Variants in ABCF1 observed in about 807,000 individuals in gnomAD.
ABCF1 encodes ATP binding cassette subfamily F member 1.
Under a neutral mutation model 126.3 loss-of-function variants are expected in ABCF1, and 73 were observed. The ratio of observed to expected loss-of-function variants is 0.58; its 90% CI spans 0.48 to 0.70. ABCF1 has a LOEUF of 0.70. Ranked by LOEUF, ABCF1 falls within the 30% of genes least tolerant of loss-of-function variation. The pLI, the probability that ABCF1 is intolerant of heterozygous loss-of-function variation, is 0.00. For missense variants in ABCF1, 786 were observed against 1,057.5 expected (o/e 0.74, Z 3.56); for synonymous variants, 345 against 396.4 (o/e 0.87, Z 1.54).
At chr6:30,577,483 A>C (rs1460140338) in intron 2 of ABCF1, 28 bp downstream of exon 2, 19 of 1,610,536 alleles carry the variant, frequency 1.2e-5, no homozygotes, top group Non-Finnish European at 1.6e-5. Context: ...GAGGATAAGA[A>C]ATGACTATGG....
At chr6:30,590,409 T>C (rs1209237733) in intron 24 of ABCF1, 31 bp downstream of exon 24, 2 of 1,591,360 alleles carry the variant, frequency 1.3e-6, no homozygotes, top group Admixed American at 1.7e-5. Flanking sequence ...CCCTCATCCC[T>C]GCTCCATGGG....
In ABCF1 at chr6:30,586,636, T is replaced by C; in HGVS notation, c.1961-5T>C. 6.2e-7 allele frequency: 1 copy of C among 1,613,586 alleles called. No individual in the cohort carries two copies. Among genetic ancestry groups the C allele is most frequent in the South Asian group, 1.1e-5 (1 of 91,074 alleles). On this transcript the variant is annotated splice_polypyrimidine_tract_variant and splice_region_variant and intron_variant, in intron 19 of 24. Transcript: ENST00000326195. The surrounding 1 kb of genome is among the most constrained non-coding windows in gnomAD (Gnocchi z 4.9). Reference sequence around the variant, plus strand: ...CTCTTTGACCACCTGTCTTCCATCTTGCAGTTTGCATTGTGGGCCCTAATG... The same window carrying C: ...CTCTTTGACCACCTGTCTTCCATCTCGCAGTTTGCATTGTGGGCCCTAATG...
At position 30,571,492 on chromosome 6, in the gene ABCF1, C is replaced by T. The variant is rs529428649; in HGVS notation, c.5C>T (p.Pro2Leu). The change falls in exon 1 of 25, where the codon CCG (proline) becomes CTG (leucine). Residue 2 changes from proline (P) to leucine (L), a missense_variant. Pro to Leu is a moderately conservative substitution (Grantham distance 98). Transcript: ENST00000326195. ...GTAGCTGTAACTGCCACCGCGATGC[C>T]GAAGGCGCCCAAGCAGCAGCCGCCG... is the stretch of plus-strand genomic sequence containing the variant. M[P>L]KAPKQQPPEP... The T allele has an allele frequency of 3.7e-6, 6 of 1,610,424 alleles. No homozygotes were observed. The African/African-American group carries it at 4.0e-5, about 11-fold the overall frequency.
In ABCF1 at chr6:30,584,311, G is replaced by C; in HGVS notation, c.1222G>C (p.Ala408Pro). 1 of 1,613,146 alleles carries C rather than the reference G, an allele frequency of 6.2e-7. No homozygotes were observed. Among genetic ancestry groups the C allele is most frequent in the Non-Finnish European group, 8.5e-7 (1 of 1,180,038 alleles). ...ACAGCTGGAACAAGGGGATGACACA[G>C]CTGCTGAGAGGCTAGAGAAGGTAGA... ...QGQLEQGDDT[A>P]AERLEKVYEE... Residue 408 changes from alanine (A) to proline (P), a missense_variant, in exon 13 of 25, where the codon GCT becomes CCT. Physicochemically the swap from Ala to Pro is conservative, Grantham distance 27. This residue lies in a region of ABCF1 where 163 missense variants were observed against 255.3 expected (regional missense o/e 0.64). Coordinates refer to ENST00000326195, the MANE Select transcript of ABCF1 (RefSeq NM_001025091.2). This position sits in a 1 kb window ranked among gnomAD's most constrained non-coding sequence, Gnocchi z 4.6.
chr6:30,591,162 G>A lies in ABCF1; in HGVS notation c.*461G>A, dbSNP rs1039301883. 3 of 157,952 alleles carry A rather than the reference G, an allele frequency of 1.9e-5. No homozygotes were observed. Among genetic ancestry groups the A allele is most frequent in the Non-Finnish European group, 4.2e-5 (3 of 72,170 alleles). 9.8% of individuals were successfully genotyped at this position (157,952 alleles called of 1,614,324 possible). ...CAGCTGTTGAAGCTCAGAGCTGGAG[G>A]TGAGCTTCTGAGGCCTTTGCCATTA... is the stretch of plus-strand genomic sequence containing the variant. On this transcript the variant is annotated 3_prime_UTR_variant, in exon 25 of 25. Coordinates refer to ENST00000326195, the MANE Select transcript of ABCF1 (RefSeq NM_001025091.2).
chr6:30,577,277 A>C (rs950032005), intron 1 of ABCF1, 132 bp from the exon 2 acceptor site: 6 of 791,678 alleles, frequency 7.6e-6, no homozygotes, highest in African/African-American at 3.5e-5. Flanking sequence ...AGACAGTACA[A>C]ATATTTAAGG....
Position 30,590,912 on chromosome 6 carries a change from A to C in ABCF1, c.*211A>C. Reference sequence around the variant, plus strand: ...ACTTGTTTGTTCTGCTTCTCTTCATATAACTGAGCTGGCCTTATCCTTGGC... The same window carrying C: ...ACTTGTTTGTTCTGCTTCTCTTCATCTAACTGAGCTGGCCTTATCCTTGGC... On this transcript the variant is annotated 3_prime_UTR_variant, in exon 25 of 25. Transcript: ENST00000326195. 3.7e-6 allele frequency: 2 copies of C among 533,350 alleles called. No homozygotes were observed. The highest frequency in any genetic ancestry group is 6.4e-6 in the Non-Finnish European group (2 of 311,368). 33.0% of individuals were successfully genotyped at this position (533,350 alleles called of 1,614,324 possible). A position where few individuals can be genotyped will look rare whatever the true frequency, so the allele number is the denominator to read the frequency against.
chr6:30,578,429 T>G, intron 5 of ABCF1, 41 bp from the exon 6 acceptor site: 1 of 1,614,056 alleles, frequency 6.2e-7, no homozygotes, highest in South Asian at 1.1e-5. Context: ...GGATGCAACC[T>G]TGACCATCCT....
Position 30,571,513 on chromosome 6 carries a change from C to T in ABCF1, c.26C>T (p.Pro9Leu), listed in dbSNP as rs767397757. 3.1e-6 allele frequency: 5 copies of T among 1,611,044 alleles called. No individual in the cohort carries two copies. The highest frequency in any genetic ancestry group is 4.2e-6 in the Non-Finnish European group (5 of 1,179,554). Residue 9 changes from proline to leucine, a missense_variant, in exon 1 of 25, where the codon CCG becomes CTG. By Grantham distance (98) the Pro-to-Leu change is moderately conservative. Coordinates refer to ENST00000326195, the MANE Select transcript of ABCF1 (RefSeq NM_001025091.2). The part of the protein sequence containing the change: MPKAPKQQ[P>L]PEPEWIGDGE... ...ATGCCGAAGGCGCCCAAGCAGCAGCCGCCGGAGCCCGAGTGGATCGGGGAC... is the reference window on the plus strand; with the variant it reads ...ATGCCGAAGGCGCCCAAGCAGCAGCTGCCGGAGCCCGAGTGGATCGGGGAC...
chr6:30,576,141 CTCCCAAA>C (rs1257363939), intron 1 of ABCF1, among the ~76,000 whole-genome samples: 5 of 150,038 alleles, frequency 3.3e-5, no homozygotes, highest in Admixed American at 2.0e-4. Flanking sequence ...CTACACATAT[CTCCCAAA>C]TTGAATTTAT....
In ABCF1 at chr6:30,582,259, T is replaced by A. The variant is rs574734792; in HGVS notation, c.679-135T>A. The stretch of plus-strand genomic sequence containing the variant: ...TTTTAGTAGAGATGGGGTTTCACCA[T>A]GTTAGCCAGGATGGTCTTGATCTCC... On this transcript the variant is annotated intron_variant, in intron 8 of 24. Transcript: ENST00000326195. 5 of 599,770 alleles carry A rather than the reference T, an allele frequency of 8.3e-6. No individual in the cohort carries two copies. In the African/African-American group the frequency reaches 9.4e-5, roughly 11 times the overall value. The allele number at this position is 599,770 out of a possible 1,614,324, so 37.2% of individuals were successfully genotyped here.
chr6:30,585,546 T>C lies in ABCF1; in HGVS notation c.1476-12T>C, dbSNP rs779685309. 4.3e-6 allele frequency: 7 copies of C among 1,612,958 alleles called. No homozygotes were observed. In the Admixed American group the frequency reaches 1.2e-4, roughly 27 times the overall value. On this transcript the variant is annotated splice_polypyrimidine_tract_variant and intron_variant, in intron 15 of 24. Transcript: ENST00000326195. The stretch of plus-strand genomic sequence containing the variant: ...CCACTGTGACACTTACACCCTGTTC[T>C]CTGAAACCCAGCTACCTCCAGGGCT...
At chr6:30,580,271 C>T (rs866445494) in intron 7 of ABCF1, 135 bp from the exon 8 acceptor site, 7 of 731,614 alleles carry the variant, frequency 9.6e-6, no homozygotes, top group Middle Eastern at 3.9e-4. Flanking sequence ...GGCGTGAACC[C>T]GGGAGGTGGA....
Position 30,586,274 on chromosome 6 carries a change from A to T in ABCF1, c.1854A>T (p.Pro618=). Residue 618 remains proline (P), a synonymous_variant, in exon 18 of 25, where the codon CCA becomes CCT. Transcript: ENST00000326195. The surrounding 1 kb of genome is among the most constrained non-coding windows in gnomAD (Gnocchi z 4.9). ...TGCGCTTCACTTTTCCAGACCCCCC[A>T]CCACTCAGCCCTCCAGTGCTGGGTC... is the stretch of plus-strand genomic sequence containing the variant. ...YTVRFTFPDP[P]PLSPPVLGLH... 4 of 1,611,312 alleles carry T rather than the reference A, an allele frequency of 2.5e-6. No individual in the cohort carries two copies. The highest frequency in any genetic ancestry group is 2.5e-6 in the Non-Finnish European group (3 of 1,178,740).
Position 30,582,514 on chromosome 6 carries a change from C to A in ABCF1, c.792+7C>A. ...GAAAAAGCTGAAAAAACAGGTAAGACCTTGGTTCTTAGCGGTCAAAAGTAG... is the reference window on the plus strand; with the variant it reads ...GAAAAAGCTGAAAAAACAGGTAAGAACTTGGTTCTTAGCGGTCAAAAGTAG... On this transcript the variant is annotated splice_region_variant and intron_variant, in intron 9 of 24. Transcript: ENST00000326195. The A allele has an allele frequency of 6.2e-7, 1 of 1,612,688 alleles. No homozygotes were observed. The highest frequency in any genetic ancestry group is 1.3e-5 in the African/African-American group (1 of 74,968).
chr6:30,586,845 T>C lies in ABCF1; in HGVS notation c.2031+134T>C, dbSNP rs1802163868. 1 of 983,224 alleles carries C rather than the reference T, an allele frequency of 1.0e-6. No individual in the cohort carries two copies. Among genetic ancestry groups the C allele is most frequent in the Non-Finnish European group, 1.5e-6 (1 of 652,480 alleles). The allele number at this position is 983,224 out of a possible 1,614,324, so 60.9% of individuals were successfully genotyped here. On this transcript the variant is annotated intron_variant, in intron 20 of 24. Transcript: ENST00000326195. This position sits in a 1 kb window ranked among gnomAD's most constrained non-coding sequence, Gnocchi z 4.9. ...ACTCATGATAGATGATTCATTTCCC[T>C]AAGAGGGGCAGTAGAGGAGGAAAGA...
chr6:30,578,312 T>A (rs1561786921), intron 4 of ABCF1, 36 bp from the exon 5 acceptor site: 1 of 1,614,008 alleles, frequency 6.2e-7, no homozygotes, highest in Non-Finnish European at 8.5e-7. Flanking sequence ...ACATTGTAAT[T>A]CTTTCCTATC....
Position 30,578,367 on chromosome 6 carries a change from C to T in ABCF1, c.363C>T (p.Arg121=), listed in dbSNP as rs570154455. ...TTTCAGTACCCGCCCCAAAACCCCG[C>T]GGAGGGAAGAAAACCAAGGTAAGCC... ...EEDEVPAPKP[R]GGKKTKGGNV... The change falls in exon 5 of 25, where the codon CGC becomes CGT. Residue 121 remains arginine (R), a synonymous_variant. Coordinates refer to ENST00000326195, the MANE Select transcript of ABCF1 (RefSeq NM_001025091.2). The T allele has an allele frequency of 4.6e-5, 75 of 1,614,086 alleles. 1 individual carries two copies. The highest frequency in any genetic ancestry group is 4.0e-4 in the South Asian group (36 of 91,076).
In ABCF1 at chr6:30,589,881, G is replaced by T. The variant is rs775813062; in HGVS notation, c.2140G>T (p.Gly714Cys). The T allele has an allele frequency of 5.0e-6, 8 of 1,614,048 alleles. No individual in the cohort carries two copies. In the South Asian group the frequency reaches 8.8e-5, roughly 18 times the overall value. The part of the protein sequence containing the change: ...EETPTEYLQR[G>C]FNLPYQDARK... ...GACGCCCACTGAGTACCTGCAGCGG[G>T]GCTTCAACCTGCCCTACCAGGATGC... Residue 714 changes from glycine (G) to cysteine (C), a missense_variant, in exon 22 of 25, where the codon GGC becomes TGC. Around this residue, in one of 4 missense-constraint regions of ABCF1, gnomAD observed 288 missense variants for 423.5 expected, o/e 0.68. Transcript: ENST00000326195.
Sources: allele counts gnomAD v4.1 joint callset (sites outside exome capture counted in the v4.1 genomes callset), GRCh38; gene constraint gnomAD v4.1.1; regional missense constraint gnomAD v4.1.1; non-coding constraint Gnocchi (gnomAD v3.1); transcripts MANE v1.5; gene names NCBI Gene and HGNC (gene_info 2026-07-23, HGNC 2026-07-21).